Variants in VMP1 observed in about 807,000 individuals in gnomAD.
VMP1 encodes the protein vacuole membrane protein 1.
A neutral mutation model predicts 56.0 loss-of-function variants in VMP1; 11 were observed. The ratio of observed to expected loss-of-function variants is 0.20; its 90% CI spans 0.12 to 0.32. VMP1 has a LOEUF of 0.32. Among genes scored for constraint, VMP1 ranks in the 10% least tolerant of loss-of-function variants. The pLI is 1.00. For synonymous variants in VMP1, 149 were observed against 165.0 expected (o/e 0.90, Z 0.74); for missense variants, 296 against 490.3 (o/e 0.60, Z 3.74).
Position 59,808,835 on chromosome 17 carries a change from G to A in VMP1, c.754G>A (p.Val252Ile), listed in dbSNP as rs773083641. ...GGCCAAACTGGCAGTTCAAAAACTAGTACAGAAAGTTGGATTTTTTGGAAT... is the reference window on the plus strand; with the variant it reads ...GGCCAAACTGGCAGTTCAAAAACTAATACAGAAAGTTGGATTTTTTGGAAT... ...SRAKLAVQKLVQKVGFFGILA... is the reference protein window; with the variant it reads ...SRAKLAVQKLIQKVGFFGILA... The change falls in exon 8 of 12, where the codon GTA becomes ATA. Residue 252 changes from valine (V) to isoleucine (I), a missense_variant. Around this residue, in one of 4 missense-constraint regions of VMP1, gnomAD observed 126 missense variants for 231.6 expected, o/e 0.54. Transcript: ENST00000262291. 1.2e-6 allele frequency: 2 copies of A among 1,614,052 alleles called. No homozygotes were observed. Among genetic ancestry groups the A allele is most frequent in the South Asian group, 1.1e-5 (1 of 91,074 alleles).
intron 9 of VMP1, among the ~76,000 whole-genome samples, chr17:59,815,457 GGCAGAGATTTT>G (rs2038192703): frequency 7.2e-6 from 1 of 139,848 alleles, no homozygotes; most frequent in Non-Finnish European, 1.5e-5. Context: ...CTCCCAGGAG[GGCAGAGATTTT>G]TGTCTGTTGG....
intron 7 of VMP1, among the ~76,000 whole-genome samples, chr17:59,777,858 A>C (rs541353997): frequency 4.8e-4 from 68 of 142,884 alleles, no homozygotes; most frequent in Non-Finnish European, 8.7e-4. Flanking sequence ...CAAAACAAAA[A>C]AACAAATAAA....
chr17:59,751,905 C>T (rs2035665763), intron 5 of VMP1, among the ~76,000 whole-genome samples: 1 of 152,068 alleles, frequency 6.6e-6, no homozygotes, highest in Admixed American at 6.6e-5. Flanking sequence ...GCCTCAGCCT[C>T]CTGGGCTCAA....
intron 10 of VMP1, among the ~76,000 whole-genome samples, chr17:59,830,718 A>T (rs2038780104): frequency 6.6e-6 from 1 of 152,232 alleles, no homozygotes. Context: ...TAAATAAAAA[A>T]TTTACTTTAT....
chr17:59,718,736 T>A (rs973411409), intron 1 of VMP1, among the ~76,000 whole-genome samples: 1 of 151,888 alleles, frequency 6.6e-6, no homozygotes, highest in African/African-American at 2.4e-5. Flanking sequence ...CTCACTGTGT[T>A]TCCCAGGCTG....
chr17:59,773,620 A>T (rs1208530614), intron 6 of VMP1, 134 bp from the exon 7 acceptor site: 1 of 786,882 alleles, frequency 1.3e-6, no homozygotes, highest in Non-Finnish European at 1.9e-6. Context: ...TATTTTGATT[A>T]TGTAGCATAT....
chr17:59,809,357 C>T (rs2144216814), intron 8 of VMP1, among the ~76,000 whole-genome samples: 1 of 126,376 alleles, frequency 7.9e-6, no homozygotes, highest in Admixed American at 9.5e-5. Flanking sequence ...ACTTTTGTGG[C>T]CCAGGCTGGA....
At chr17:59,741,679 T>C (rs149995994) in intron 5 of VMP1, among the ~76,000 whole-genome samples, 1 of 152,318 alleles carries the variant, frequency 6.6e-6, no homozygotes, top group East Asian at 1.9e-4. Flanking sequence ...GTAAAATGGT[T>C]ACTATTGTGG....
chr17:59,725,890 TA>T (rs925876677), intron 1 of VMP1, among the ~76,000 whole-genome samples: 1 of 152,152 alleles, frequency 6.6e-6, no homozygotes, highest in African/African-American at 2.4e-5. Context: ...TGCAATAGCT[TA>T]AAAACAAAAC....
At chr17:59,754,687 T>A (rs1317070268) in intron 5 of VMP1, among the ~76,000 whole-genome samples, 1 of 152,180 alleles carries the variant, frequency 6.6e-6, no homozygotes, top group Non-Finnish European at 1.5e-5. Flanking sequence ...CAACAGACCC[T>A]TCTTAGAAAA....
intron 7 of VMP1, among the ~76,000 whole-genome samples, chr17:59,798,292 G>T (rs779061867): frequency 6.6e-6 from 1 of 152,054 alleles, no homozygotes; most frequent in Non-Finnish European, 1.5e-5. Flanking sequence ...GAAATGTGTG[G>T]TGTTCACAGT....
chr17:59,753,149 G>C (rs1325753910), intron 5 of VMP1, among the ~76,000 whole-genome samples: 1 of 152,010 alleles, frequency 6.6e-6, no homozygotes, highest in African/African-American at 2.4e-5. Flanking sequence ...GTAGTGGCAT[G>C]CTCCTGTAGT....
At chr17:59,713,971 G>A (rs2034043394) in intron 1 of VMP1, among the ~76,000 whole-genome samples, 1 of 150,112 alleles carries the variant, frequency 6.7e-6, no homozygotes, top group South Asian at 2.1e-4. Context: ...AACCCGGGAG[G>A]CAGAGGTTGC....
chr17:59,752,706 A>G (rs564617372), intron 5 of VMP1, among the ~76,000 whole-genome samples: 3 of 152,256 alleles, frequency 2.0e-5, no homozygotes, highest in Admixed American at 6.5e-5. Flanking sequence ...CAAGATTGCA[A>G]CCATTTTGAG....
chr17:59,714,611 C>A (rs76768529), intron 1 of VMP1, among the ~76,000 whole-genome samples: 5,378 of 150,920 alleles, frequency 0.036, 325 homozygotes, highest in African/African-American at 0.12. Flanking sequence ...TATTTTAAAG[C>A]ACATGAAAGT....
chr17:59,763,566 C>A (rs535197025), intron 5 of VMP1, among the ~76,000 whole-genome samples: 2 of 151,982 alleles, frequency 1.3e-5, no homozygotes, highest in East Asian at 3.9e-4. Context: ...CAGAAAATGC[C>A]GATTCTATTT....
intron 5 of VMP1, among the ~76,000 whole-genome samples, chr17:59,748,508 CTCAG>C (rs944522647): frequency 6.6e-6 from 1 of 152,050 alleles, no homozygotes; most frequent in Admixed American, 6.6e-5. Flanking sequence ...ACTTTTAAAC[CTCAG>C]TCATTCAACT....
At chr17:59,770,645 A>G (rs2777889) in intron 6 of VMP1, among the ~76,000 whole-genome samples, 67,886 of 150,882 alleles carry the variant, frequency 0.45, 17,875 homozygotes, top group African/African-American at 0.73. Flanking sequence ...GTGCAATGGC[A>G]CAATCTCATT....
intron 7 of VMP1, among the ~76,000 whole-genome samples, chr17:59,806,118 A>C (rs1019289742): frequency 2.6e-5 from 4 of 152,146 alleles, no homozygotes; most frequent in Non-Finnish European, 4.4e-5. Context: ...TAGTGCTTCA[A>C]ATGGATTATA....
Sources: gnomAD v4.1 joint callset for allele counts (sites outside exome capture counted in the v4.1 genomes callset) on GRCh38, gnomAD v4.1.1 for gene constraint, gnomAD v4.1.1 regional missense constraint, MANE v1.5 for transcripts, NCBI Gene and HGNC (gene_info 2026-07-23, HGNC 2026-07-21) for gene names.